AIM2: variants seen among roughly 807,000 people sequenced by gnomAD.
AIM2 encodes the protein interferon-inducible protein AIM2.
A neutral mutation model predicts 27.7 loss-of-function variants in AIM2; 30 were observed. The observed-to-expected ratio is 1.08, with a 90% CI of 0.81 to 1.47. AIM2 has a LOEUF of 1.47. AIM2 is among the 40% of genes most tolerant of loss of function. The pLI, the probability that AIM2 is intolerant of heterozygous loss-of-function variation, is 0.00. For missense variants in AIM2, 358 were observed against 411.3 expected, an observed-to-expected ratio of 0.87 and a Z score of 1.12; for synonymous variants, 141 against 145.3, an observed-to-expected ratio of 0.97 and a Z score of 0.21.
chr1:159,121,376 C>T (rs184696178), intron 1 of AIM2, among the ~76,000 whole-genome samples: 244 of 152,294 alleles, frequency 1.6e-3, no homozygotes, highest in Middle Eastern at 3.4e-3. Context: ...ACAAACACTA[C>T]TTGATCATAT....
chr1:159,086,010 T>C (rs1288134919), intron 1 of AIM2, among the ~76,000 whole-genome samples: 1 of 152,210 alleles, frequency 6.6e-6, no homozygotes, highest in Non-Finnish European at 1.5e-5. Flanking sequence ...ATACTGTAAA[T>C]ATACAATTTT....
At chr1:159,119,150 A>G (rs1647462419) in intron 1 of AIM2, among the ~76,000 whole-genome samples, 1 of 152,164 alleles carries the variant, frequency 6.6e-6, no homozygotes, top group Non-Finnish European at 1.5e-5. Flanking sequence ...AGTGAGTATG[A>G]CATGAATCGG....
chr1:159,104,585 C>T (rs1280652674), intron 1 of AIM2, among the ~76,000 whole-genome samples: 2 of 152,076 alleles, frequency 1.3e-5, no homozygotes, highest in Non-Finnish European at 2.9e-5. Flanking sequence ...AGACTTAATA[C>T]AAAAAATGTG....
chr1:159,069,464 T>C (rs1390667335), intron 2 of AIM2, among the ~76,000 whole-genome samples: 1 of 152,036 alleles, frequency 6.6e-6, no homozygotes, highest in East Asian at 1.9e-4. Context: ...TTTATGTGTA[T>C]ATGTAATTAT....
At chr1:159,125,038 G>A (rs746962454) in intron 1 of AIM2, among the ~76,000 whole-genome samples, 5 of 152,320 alleles carry the variant, frequency 3.3e-5, no homozygotes, top group South Asian at 2.1e-4. Context: ...GGGAGACAGC[G>A]ATAGCAGTGT....
chr1:159,060,580 C>T (rs563608179), downstream of AIM2, among the ~76,000 whole-genome samples: 1 of 152,272 alleles, frequency 6.6e-6, no homozygotes, highest in East Asian at 1.9e-4. Context: ...ACTCCAAGCT[C>T]CTAGAAACCA....
At chr1:159,114,371 G>T (rs1647272350) in intron 1 of AIM2, among the ~76,000 whole-genome samples, 1 of 152,078 alleles carries the variant, frequency 6.6e-6, no homozygotes, top group South Asian at 2.1e-4. Flanking sequence ...AGTGGGAAAG[G>T]GTCCAATAAA....
chr1:159,089,091 A>T (rs1428951100), intron 1 of AIM2, among the ~76,000 whole-genome samples: 1 of 152,234 alleles, frequency 6.6e-6, no homozygotes, highest in Non-Finnish European at 1.5e-5. Flanking sequence ...GAATTTCTTA[A>T]GAAAACTTGG....
At chr1:159,145,296 T>A (rs1648182098), upstream of AIM2, among the ~76,000 whole-genome samples, 1 of 152,146 alleles carries the variant, frequency 6.6e-6, no homozygotes, top group African/African-American at 2.4e-5. Context: ...CACTTCATCT[T>A]CAGGAGGTCT....
chr1:159,105,807 G>C (rs1315116804), intron 1 of AIM2, among the ~76,000 whole-genome samples: 1 of 152,102 alleles, frequency 6.6e-6, no homozygotes, highest in Non-Finnish European at 1.5e-5. Flanking sequence ...GTAGTTATTG[G>C]TCCATGGGTA....
intron 1 of AIM2, among the ~76,000 whole-genome samples, chr1:159,092,921 G>C (rs1657079838): frequency 6.6e-6 from 1 of 152,074 alleles, no homozygotes; most frequent in Admixed American, 6.6e-5. Flanking sequence ...AGCTACTTGG[G>C]AGGCTGAGGC....
intron 1 of AIM2, among the ~76,000 whole-genome samples, chr1:159,104,436 G>A (rs1021827565): frequency 6.6e-6 from 1 of 152,146 alleles, no homozygotes; most frequent in African/African-American, 2.4e-5. Context: ...AAATAAGTAT[G>A]ATTGAAATAA....
At chr1:159,066,462 G>C in intron 3 of AIM2, 133 bp from the exon 4 acceptor site, 1 of 917,972 alleles carries the variant, frequency 1.1e-6, no homozygotes. Context: ...GATACAGAGG[G>C]GATACGAAGA....
rs1239730502 is a variant in AIM2, at chr1:159,075,609, TATAGAGAG to T, written c.-21+1016_-21+1023del. Among the ~76,000 whole-genome samples, 377 of 147,010 alleles carry T rather than the reference TATAGAGAG, an allele frequency of 2.6e-3. 3 individuals carry two copies. The highest frequency in any genetic ancestry group is 7.7e-3 in the East Asian group (38 of 4,914). The stretch of plus-strand genomic sequence containing the variant: ...TGGCTATACCTGCTATATATATATA[TATAGAGAG>T]AGAGAGAGAGAGAGAGAGCTAATAG... On this transcript the variant is annotated intron_variant, in intron 1 of 5. Transcript: ENST00000368130.
chr1:159,080,211 G>C (rs147804696), upstream of AIM2, among the ~76,000 whole-genome samples: 9 of 152,282 alleles, frequency 5.9e-5, no homozygotes, highest in African/African-American at 1.7e-4. Flanking sequence ...TGCAATTGCT[G>C]TGTTGTATAA....
chr1:159,096,696 T>C lies in AIM2; in HGVS notation c.-15-30367A>G, dbSNP rs541060916. Among the ~76,000 whole-genome samples the C allele has an allele frequency of 1.4e-4, 21 of 152,248 alleles. No homozygotes were observed. The East Asian group carries it at 3.7e-3, about 27-fold the overall frequency. The stretch of plus-strand genomic sequence containing the variant: ...AGGCACTCTCAAGGCAGACACACCA[T>C]GGCTCAGTAGACTCAGAGCTGGGAC... On this transcript the variant is annotated intron_variant, in intron 1 of 2. Transcript: ENST00000368129.
intron 3 of AIM2, 76 bp downstream of exon 3, chr1:159,068,492 A>G: frequency 6.6e-7 from 1 of 1,507,454 alleles, no homozygotes; most frequent in Non-Finnish European, 8.9e-7. Flanking sequence ...GATAAAGAAC[A>G]GAGAACAATA....
intron 1 of AIM2, among the ~76,000 whole-genome samples, chr1:159,109,356 A>G (rs1045443623): frequency 1.3e-5 from 2 of 152,236 alleles, no homozygotes; most frequent in Admixed American, 1.3e-4. Context: ...GGCTAGCCAC[A>G]TGTAAGAGAA....
chr1:159,073,601 T>G, intron 1 of AIM2, 82 bp from the exon 2 acceptor site: 3 of 1,350,712 alleles, frequency 2.2e-6, no homozygotes, highest in Non-Finnish European at 3.0e-6. Flanking sequence ...GCTATTAATA[T>G]TTTTTAAAGA....
Sources: allele counts gnomAD v4.1 joint callset (sites outside exome capture counted in the v4.1 genomes callset), GRCh38; gene constraint gnomAD v4.1.1; transcripts MANE v1.5; gene names NCBI Gene and HGNC (gene_info 2026-07-23, HGNC 2026-07-21).